GNA12: variants seen among roughly 807,000 people sequenced by gnomAD.
The protein encoded by GNA12 is guanine nucleotide-binding protein subunit alpha-12.
GNA12 carries 9 observed loss-of-function variants against 26.0 expected under a neutral mutation model. The ratio of observed to expected loss-of-function variants is 0.35; its 90% CI spans 0.21 to 0.60. GNA12 has a LOEUF of 0.60. GNA12 is among the 20% of genes least tolerant of loss of function. The pLI, the probability that GNA12 is intolerant of heterozygous loss-of-function variation, is 0.78. For missense variants in GNA12, 405 were observed against 525.8 expected (o/e 0.77, Z 2.25); for synonymous variants, 264 against 219.6 (o/e 1.20, Z -1.79).
At chr7:2,786,091 C>T (rs1001268971) in intron 2 of GNA12, among the ~76,000 whole-genome samples, 2 of 152,036 alleles carry the variant, frequency 1.3e-5, no homozygotes, top group Non-Finnish European at 2.9e-5. Flanking sequence ...TGGAAAGGGG[C>T]GGCATGAGGG....
At chr7:2,741,623 A>G (rs1461246036) in intron 2 of GNA12, among the ~76,000 whole-genome samples, 1 of 152,104 alleles carries the variant, frequency 6.6e-6, no homozygotes, top group Non-Finnish European at 1.5e-5. Context: ...AAGAGCTCAT[A>G]CAGTCTTTCT....
intron 1 of GNA12, among the ~76,000 whole-genome samples, chr7:2,818,163 T>A (rs559864747): frequency 2.9e-3 from 449 of 152,308 alleles, no homozygotes; most frequent in Non-Finnish European, 5.3e-3. Flanking sequence ...GAACATCAAT[T>A]ATTTACATAA....
At chr7:2,799,904 A>G (rs1295185359) in intron 1 of GNA12, among the ~76,000 whole-genome samples, 12 of 152,136 alleles carry the variant, frequency 7.9e-5, no homozygotes, top group Admixed American at 7.9e-4. Flanking sequence ...GGAGGCGGAG[A>G]CCCCGGACCT....
intron 2 of GNA12, among the ~76,000 whole-genome samples, chr7:2,765,445 C>A (rs1025934031): frequency 2.6e-5 from 4 of 152,034 alleles, no homozygotes; most frequent in Admixed American, 1.3e-4. Flanking sequence ...AGGCCTGAGC[C>A]ACCGCGCCCA....
At chr7:2,823,243 A>G (rs1474417187) in intron 1 of GNA12, among the ~76,000 whole-genome samples, 1 of 152,174 alleles carries the variant, frequency 6.6e-6, no homozygotes, top group Non-Finnish European at 1.5e-5. Flanking sequence ...GCATACACAC[A>G]AACCCAAGGG....
intron 2 of GNA12, among the ~76,000 whole-genome samples, chr7:2,792,120 G>A (rs1271541764): frequency 2.0e-5 from 3 of 152,192 alleles, no homozygotes; most frequent in Admixed American, 1.3e-4. Context: ...CCAAGTGCAC[G>A]TCTAGATTAA....
chr7:2,780,345 G>C (rs932638582), intron 2 of GNA12, among the ~76,000 whole-genome samples: 6 of 151,624 alleles, frequency 4.0e-5, no homozygotes, highest in African/African-American at 7.3e-5. Context: ...AATAATCTTT[G>C]CATATTGATC....
chr7:2,749,443 T>C (rs1790919017), intron 2 of GNA12, among the ~76,000 whole-genome samples: 1 of 143,248 alleles, frequency 7.0e-6, no homozygotes, highest in Non-Finnish European at 1.5e-5. Context: ...TTCTCACTCA[T>C]AGGTGGGAAC....
At chr7:2,819,716 G>A (rs759786423) in intron 1 of GNA12, among the ~76,000 whole-genome samples, 1 of 152,150 alleles carries the variant, frequency 6.6e-6, no homozygotes, top group Non-Finnish European at 1.5e-5. Flanking sequence ...AACCGAAAAC[G>A]GGATGGCTGG....
In GNA12 at chr7:2,830,001, T is replaced by C. The variant is rs867030687; in HGVS notation, c.309+13852A>G. The stretch of plus-strand genomic sequence containing the variant: ...AGTGTCCCAACCTCCAGTGGACTCC[T>C]GCCTCGAGCTGTGGTCAGCACAGAG... On this transcript the variant is annotated intron_variant, in intron 1 of 3. Transcript: ENST00000275364. 2.8e-4 allele frequency among the ~76,000 whole-genome samples: 43 copies of C among 152,360 alleles called. No homozygotes were observed. The Middle Eastern group carries it at 0.01, about 36-fold the overall frequency.
At chr7:2,840,998 C>G (rs969550436) in intron 1 of GNA12, among the ~76,000 whole-genome samples, 1 of 152,056 alleles carries the variant, frequency 6.6e-6, no homozygotes, top group African/African-American at 2.4e-5. Context: ...GAAATGGTCA[C>G]GACACATGAA....
intron 2 of GNA12, among the ~76,000 whole-genome samples, chr7:2,742,692 G>C (rs920242366): frequency 1.3e-5 from 2 of 152,162 alleles, no homozygotes; most frequent in South Asian, 4.1e-4. Context: ...TTTTGAATGA[G>C]GCCTTTAATT....
chr7:2,843,829 T>G (rs1583324267), intron 1 of GNA12, 24 bp downstream of exon 1: 5 of 1,374,654 alleles, frequency 3.6e-6, no homozygotes, highest in Non-Finnish European at 4.8e-6. Context: ...TGGGTGCAGG[T>G]GCTGGGCGGG....
intron 2 of GNA12, among the ~76,000 whole-genome samples, chr7:2,747,345 T>C (rs1268985343): frequency 1.3e-5 from 2 of 152,238 alleles, no homozygotes; most frequent in Non-Finnish European, 1.5e-5. Flanking sequence ...GCTTCATCCC[T>C]GGGATGCAAG....
chr7:2,833,967 T>G (rs1483101401), intron 1 of GNA12, among the ~76,000 whole-genome samples: 2 of 152,214 alleles, frequency 1.3e-5, no homozygotes, highest in Non-Finnish European at 2.9e-5. Context: ...TACATAATCT[T>G]TGATATTCCA....
chr7:2,740,577 G>C (rs1288612401), intron 2 of GNA12, among the ~76,000 whole-genome samples: 1 of 152,164 alleles, frequency 6.6e-6, no homozygotes, highest in Non-Finnish European at 1.5e-5. Flanking sequence ...ATGGCAGCTT[G>C]AGCCGACAAA....
At chr7:2,781,675 C>A (rs1792233877) in intron 2 of GNA12, among the ~76,000 whole-genome samples, 1 of 151,970 alleles carries the variant, frequency 6.6e-6, no homozygotes, top group South Asian at 2.1e-4. Flanking sequence ...TTTTCTCAAG[C>A]CTTGAAAAAT....
At chr7:2,737,264 G>GTTTTTT (rs201866976) in intron 2 of GNA12, among the ~76,000 whole-genome samples, 2 of 52,452 alleles carry the variant, frequency 3.8e-5, no homozygotes, top group Non-Finnish European at 8.0e-5. Context: ...CTATCTCACA[G>GTTTTTT]TTTTGTTTTG....
intron 1 of GNA12, among the ~76,000 whole-genome samples, chr7:2,839,703 A>G (rs1583320805): frequency 6.6e-6 from 1 of 152,318 alleles, no homozygotes; most frequent in East Asian, 1.9e-4. Context: ...ATGAAATGAC[A>G]AAATTATCGA....
Sources: allele counts gnomAD v4.1 joint callset (sites outside exome capture counted in the v4.1 genomes callset), GRCh38; gene constraint gnomAD v4.1.1; transcripts MANE v1.5; gene names NCBI Gene and HGNC (gene_info 2026-07-23, HGNC 2026-07-21).